The following PIWIL2 variants were observed in gnomAD, a reference collection of about 807,000 sequenced individuals.
PIWIL2 encodes piwi like RNA-mediated gene silencing 2, also known as piwi-like protein 2.
In PIWIL2, 81 loss-of-function variants were observed where a neutral mutation model predicts 116.5. The observed-to-expected ratio is 0.70, with a 90% CI of 0.58 to 0.84. The LOEUF is 0.84. PIWIL2 is among the 40% of genes least tolerant of loss of function. The probability of loss-of-function intolerance (pLI) is 0.00; values close to 1 mark genes in which losing one functional copy is unlikely to be tolerated. For synonymous variants in PIWIL2, 489 were observed against 429.5 expected, an observed-to-expected ratio of 1.14 and a Z score of -1.71; for missense variants, 1,272 against 1,212.3, an observed-to-expected ratio of 1.05 and a Z score of -0.73.
intron 9 of PIWIL2, 133 bp downstream of exon 9, chr8:22,290,060 C>A: frequency 2.7e-6 from 2 of 731,552 alleles, no homozygotes; most frequent in Non-Finnish European, 4.6e-6. Flanking sequence ...TAAATCTCTT[C>A]CTTAGTTTGG....
chr8:22,320,806 T>A (rs772907845), intron 20 of PIWIL2, among the ~76,000 whole-genome samples: 1 of 152,082 alleles, frequency 6.6e-6, no homozygotes, highest in Non-Finnish European at 1.5e-5. Flanking sequence ...TTGGCCAGGC[T>A]GGTCTCAAAC....
At chr8:22,294,816 T>G (rs1830853816) in intron 10 of PIWIL2, among the ~76,000 whole-genome samples, 1 of 146,506 alleles carries the variant, frequency 6.8e-6, no homozygotes, top group Non-Finnish European at 1.5e-5. Flanking sequence ...ATCCCAGGAC[T>G]TTGGGAGGCC....
At chr8:22,279,926 C>G (rs1351601490) in intron 2 of PIWIL2, among the ~76,000 whole-genome samples, 2 of 152,200 alleles carry the variant, frequency 1.3e-5, no homozygotes, top group African/African-American at 4.8e-5. Context: ...CAGTGCACTC[C>G]AGCCTGGGCA....
chr8:22,335,880 A>G (rs1831969745), intron 20 of PIWIL2, among the ~76,000 whole-genome samples: 2 of 152,176 alleles, frequency 1.3e-5, no homozygotes, highest in Non-Finnish European at 2.9e-5. Flanking sequence ...AGACTTTTAG[A>G]TAACACTTGT....
At chr8:22,336,631 G>A (rs1831986759) in intron 20 of PIWIL2, among the ~76,000 whole-genome samples, 1 of 152,114 alleles carries the variant, frequency 6.6e-6, no homozygotes, top group African/African-American at 2.4e-5. Context: ...AGAGAGCTGG[G>A]TGCAGTGGCT....
At chr8:22,327,730 A>T (rs1470626472) in intron 20 of PIWIL2, among the ~76,000 whole-genome samples, 1 of 152,112 alleles carries the variant, frequency 6.6e-6, no homozygotes, top group Non-Finnish European at 1.5e-5. Context: ...ATGACCAGTG[A>T]TGTTGAACAT....
intron 15 of PIWIL2, among the ~76,000 whole-genome samples, chr8:22,310,828 A>G (rs1172762201): frequency 6.6e-6 from 1 of 152,176 alleles, no homozygotes; most frequent in Non-Finnish European, 1.5e-5. Context: ...CATAGATTAT[A>G]TATTCTTCTG....
chr8:22,282,882 G>T (rs968962910), intron 4 of PIWIL2, 152 bp from the exon 5 acceptor site: 1 of 666,990 alleles, frequency 1.5e-6, no homozygotes, highest in African/African-American at 1.8e-5. Flanking sequence ...GAGCCACTGT[G>T]CCTGGCCTTG....
intron 20 of PIWIL2, among the ~76,000 whole-genome samples, chr8:22,348,052 T>A (rs1832269592): frequency 6.6e-6 from 1 of 152,108 alleles, no homozygotes; most frequent in Non-Finnish European, 1.5e-5. Flanking sequence ...ATCCCAGCAC[T>A]TTTGGAGGCT....
In PIWIL2 at chr8:22,356,071, C is replaced by CAAAAAAAAAAAAAAAAAA. The variant is rs10710520; in HGVS notation, c.*583_*584insAAAAAAAAAAAAAAAAAA. Reference sequence around the variant, plus strand: ...CTGTTGACAAAGCAAGACTCTGTCTCAAAAAAAAAAAAAAAAAGCCAACAT... The same window carrying CAAAAAAAAAAAAAAAAAA: ...CTGTTGACAAAGCAAGACTCTGTCTCAAAAAAAAAAAAAAAAAAAAAAAAAAAAAAAAAAAGCCAACAT... On this transcript the variant is annotated 3_prime_UTR_variant, in exon 23 of 23. Transcript: ENST00000356766. 1.2e-5 allele frequency: 1 copy of CAAAAAAAAAAAAAAAAAA among 84,398 alleles called. No homozygotes were observed. 5.2% of individuals were successfully genotyped at this position (84,398 alleles called of 1,614,324 possible).
At chr8:22,287,419 C>A in intron 6 of PIWIL2, 109 bp from the exon 7 acceptor site, 1 of 755,334 alleles carries the variant, frequency 1.3e-6, no homozygotes, top group South Asian at 1.4e-5. Flanking sequence ...TTTTAATATG[C>A]CCGCTAGATG....
At chr8:22,325,628 C>T (rs1015886548) in intron 20 of PIWIL2, among the ~76,000 whole-genome samples, 1 of 151,522 alleles carries the variant, frequency 6.6e-6, no homozygotes, top group Admixed American at 6.6e-5. Flanking sequence ...GGATTACAAG[C>T]GTGCGCCACC....
rs553016038 is a variant in PIWIL2, at chr8:22,277,033, A to AT, written c.-47+1646dup. ...GTTATAAAGTGATATATATATATAT[A>AT]TTTTTTTTTTTGAGACAGAATCTTG... is the stretch of plus-strand genomic sequence containing the variant. On this transcript the variant is annotated intron_variant, in intron 1 of 22. Coordinates refer to ENST00000356766, the MANE Select transcript of PIWIL2 (RefSeq NM_018068.5). Among the ~76,000 whole-genome samples, 1,295 of 146,222 alleles carry AT rather than the reference A, an allele frequency of 8.9e-3. 8 individuals carry two copies. Among genetic ancestry groups the AT allele is most frequent in the South Asian group, 0.016 (75 of 4,746 alleles).
At chr8:22,332,545 C>T (rs1831885667) in intron 20 of PIWIL2, among the ~76,000 whole-genome samples, 1 of 151,984 alleles carries the variant, frequency 6.6e-6, no homozygotes, top group African/African-American at 2.4e-5. Context: ...CACATTATAA[C>T]ACTGTTGAGG....
intron 4 of PIWIL2, among the ~76,000 whole-genome samples, chr8:22,282,222 A>G (rs538414575): frequency 2.2e-5 from 3 of 135,874 alleles, no homozygotes; most frequent in African/African-American, 8.3e-5. Flanking sequence ...CTGGGACTAC[A>G]GGTGTGCGCC....
In PIWIL2 at chr8:22,354,396, T is replaced by G; in HGVS notation, c.2765+18T>G. ...ATGCAGAGGTGGGCCCATCAGTAAC[T>G]TACTCTTTCTCTTTCTTAAATAATT... On this transcript the variant is annotated intron_variant, in intron 22 of 22. Transcript: ENST00000356766. The G allele has an allele frequency of 2.0e-6, 3 of 1,480,130 alleles. No individual in the cohort carries two copies. Among genetic ancestry groups the G allele is most frequent in the Non-Finnish European group, 2.8e-6 (3 of 1,057,962 alleles). 91.7% of individuals were successfully genotyped at this position (1,480,130 alleles called of 1,614,324 possible).
chr8:22,308,036 T>C lies in PIWIL2; in HGVS notation c.1649T>C (p.Met550Thr), dbSNP rs755697523. ...AKNEAATNEL[M>T]RWGLRLQKDV... is the part of the protein sequence containing the mutation. ...AACGAGGCAGCCACCAATGAACTGA[T>C]GCGTTGGGGGCTCCGTCTGCAAAAG... is the stretch of plus-strand genomic sequence containing the variant. The change falls in exon 14 of 23, where the codon ATG becomes ACG. Residue 550 changes from methionine (M) to threonine (T), a missense_variant. By Grantham distance (81) the Met-to-Thr change is moderately conservative (BLOSUM62 -1). Coordinates refer to ENST00000356766, the MANE Select transcript of PIWIL2 (RefSeq NM_018068.5). 1 of 1,614,016 alleles carries C rather than the reference T, an allele frequency of 6.2e-7. No homozygotes were observed. Among genetic ancestry groups the C allele is most frequent in the East Asian group, 2.2e-5 (1 of 44,878 alleles).
chr8:22,288,705 A>T (rs759432819), intron 8 of PIWIL2, 39 bp downstream of exon 8: 4 of 1,568,078 alleles, frequency 2.6e-6, no homozygotes, highest in Non-Finnish European at 8.7e-7. Context: ...CTGTAACTTC[A>T]GTCTTGTATT....
rs1295798063 is a variant in PIWIL2, at chr8:22,311,108, C to G, written c.1801-4C>G. On this transcript the variant is annotated splice_region_variant and splice_polypyrimidine_tract_variant and intron_variant, in intron 15 of 22. Transcript: ENST00000356766. ...AAATACTAAAAGCTCTTGGTTGTTC[C>G]TAGATCCCCATGCATTTCTGGGCAC... 9 of 1,604,470 alleles carry G rather than the reference C, an allele frequency of 5.6e-6. No individual in the cohort carries two copies. In the Admixed American group the frequency reaches 8.6e-5, roughly 15 times the overall value.
Sources: allele counts gnomAD v4.1 joint callset (sites outside exome capture counted in the v4.1 genomes callset), GRCh38; gene constraint gnomAD v4.1.1; transcripts MANE v1.5; gene names NCBI Gene and HGNC (gene_info 2026-07-23, HGNC 2026-07-21).